The following ISLR2 variants were observed in gnomAD, a reference collection of about 807,000 sequenced individuals.
ISLR2 encodes the protein immunoglobulin superfamily containing leucine-rich repeat protein 2.
A neutral mutation model predicts 25.5 loss-of-function variants in ISLR2; 16 were observed. The observed-to-expected ratio is 0.63, with a 90% confidence interval of 0.43 to 0.95. The LOEUF (loss-of-function observed/expected upper bound fraction) is 0.95, where lower values mean the gene tolerates loss of function less well. ISLR2 is among the 40% of genes least tolerant of loss of function. The probability of loss-of-function intolerance (pLI) is 0.00; values close to 1 mark genes in which losing one functional copy is unlikely to be tolerated. For synonymous variants in ISLR2, 508 were observed against 486.6 expected, an observed-to-expected ratio of 1.04 and a Z score of -0.58; for missense variants, 883 against 1,030.7, an observed-to-expected ratio of 0.86 and a Z score of 1.96.
chr15:74,120,998 C>T (rs905137214), intron 2 of ISLR2, among the ~76,000 whole-genome samples: 1 of 152,004 alleles, frequency 6.6e-6, no homozygotes, highest in African/African-American at 2.4e-5. Flanking sequence ...CCCTGCCCAC[C>T]CTATCCCTCT....
rs1358010268 is a variant in ISLR2 at position 74,134,462 on chromosome 15, C to A, written c.1708C>A (p.Leu570Met). Residue 570 changes from leucine (L) to methionine (M), a missense_variant, in exon 3 of 3, where the codon CTG becomes ATG. This residue lies in a region of ISLR2 where 612 missense variants were observed against 642.8 expected (regional missense o/e 0.95). Transcript: ENST00000453268. ...TACCAACTACTCCGTGTGCCTGGCG[C>A]TGGCGGGCGAAGCCTGCCACGTGCA... is the stretch of plus-strand genomic sequence containing the variant. ...PGTNYSVCLALAGEACHVQVV... is the reference protein window; with the variant it reads ...PGTNYSVCLAMAGEACHVQVV... The A allele has an allele frequency of 2.5e-6, 4 of 1,609,254 alleles. No homozygotes were observed. The highest frequency in any genetic ancestry group is 3.4e-6 in the Non-Finnish European group (4 of 1,178,940).
At position 74,134,706 on chromosome 15, in the gene ISLR2, AC is replaced by A; in HGVS notation, c.1954del (p.Leu652SerfsTer140). ...GCAGACTTCGACCCGCGTGCTTCGTACCTCGAGTCCGAGAAAAGCTACCCGG... is the reference window on the plus strand; with the variant it reads ...GCAGACTTCGACCCGCGTGCTTCGTACTCGAGTCCGAGAAAAGCTACCCGG... ...IAADFDPRASYLESEKSYPAG... is the reference protein window; with the variant it reads ...IAADFDPRASXLESEKSYPAG... On this transcript the variant is annotated frameshift_variant, in exon 3 of 3. Transcript: ENST00000453268. LOFTEE classifies it high-confidence loss of function. The A allele has an allele frequency of 6.2e-7, 1 of 1,613,996 alleles. No homozygotes were observed. Among genetic ancestry groups the A allele is most frequent in the Non-Finnish European group, 8.5e-7 (1 of 1,179,990 alleles).
In ISLR2 at chr15:74,136,760, T is replaced by C. The variant is rs1316702964; in HGVS notation, c.*1768T>C. The C allele has an allele frequency of 3.0e-5, 5 of 167,054 alleles. No individual in the cohort carries two copies. Among genetic ancestry groups the C allele is most frequent in the African/African-American group, 1.2e-4 (5 of 41,422 alleles). 10.3% of individuals were successfully genotyped at this position (167,054 alleles called of 1,614,324 possible). A position where few individuals can be genotyped will look rare whatever the true frequency, so the allele number is the denominator to read the frequency against. On this transcript the variant is annotated 3_prime_UTR_variant, in exon 3 of 3. Transcript: ENST00000453268. ...TAGCCCCCCGGAGCCCGTGCCCTTT[T>C]CTAAACGCGTCTGTATGCAGTCAAT...
chr15:74,128,288 C>T, upstream of ISLR2: 2 of 382,670 alleles, frequency 5.2e-6, no homozygotes, highest in South Asian at 4.0e-5. Flanking sequence ...GCACTGGGCT[C>T]TCCAGGGTCG....
chr15:74,122,522 TTGAG>T, intron 2 of ISLR2, among the ~76,000 whole-genome samples: 1 of 152,328 alleles, frequency 6.6e-6, no homozygotes, highest in Non-Finnish European at 1.5e-5. Flanking sequence ...CAGTCCAACA[TTGAG>T]ACTGTGCCTG....
intron 2 of ISLR2, among the ~76,000 whole-genome samples, chr15:74,114,856 A>T (rs1007342789): frequency 6.6e-6 from 1 of 152,164 alleles, no homozygotes; most frequent in Non-Finnish European, 1.5e-5. Context: ...CAATGCAGGG[A>T]GGGAAATCCA....
At position 74,135,016 on chromosome 15, in the gene ISLR2, A is replaced by G. The variant is rs776336631; in HGVS notation, c.*24A>G. 19 of 1,601,338 alleles carry G rather than the reference A, an allele frequency of 1.2e-5. No homozygotes were observed. The highest frequency in any genetic ancestry group is 1.5e-5 in the Non-Finnish European group (18 of 1,173,058). ...GAACCTCCGCCCGTCCGGCCCGCCC[A>G]TTCCCGACCTCCACCTAGGGTGCCT... On this transcript the variant is annotated 3_prime_UTR_variant, in exon 3 of 3. Transcript: ENST00000453268.
upstream of ISLR2, chr15:74,128,222 C>T (rs977192601): frequency 2.2e-5 from 7 of 321,242 alleles, no homozygotes; most frequent in Non-Finnish European, 4.2e-5. Flanking sequence ...GGCTCCCACC[C>T]CAGGCCTCGG....
At position 74,133,689 on chromosome 15, in the gene ISLR2, C is replaced by A; in HGVS notation, c.935C>A (p.Thr312Asn). Residue 312 changes from threonine to asparagine, a missense_variant, in exon 3 of 3, where the codon ACC (threonine) becomes AAC (asparagine). Transcript: ENST00000453268. ...GEGDGDLLTQ[T>N]QAQTPTPAPA... The stretch of plus-strand genomic sequence containing the variant: ...GGAGATGGGGATTTGCTGACGCAGA[C>A]CCAAGCCCAAACGCCGACTCCAGCA... The A allele has an allele frequency of 6.2e-7, 1 of 1,607,654 alleles. No individual in the cohort carries two copies. Among genetic ancestry groups the A allele is most frequent in the African/African-American group, 1.3e-5 (1 of 74,898 alleles).
Position 74,102,709 on chromosome 15 carries a change from G to T in ISLR2, n.160-1137G>T, listed in dbSNP as rs1380485236. 2.6e-5 allele frequency among the ~76,000 whole-genome samples: 4 copies of T among 151,934 alleles called. 1 individual carries two copies. Among genetic ancestry groups the T allele is most frequent in the African/African-American group, 7.3e-5 (3 of 41,184 alleles). On this transcript the variant is annotated intron_variant and non_coding_transcript_variant, in intron 1 of 3. Transcript: ENST00000561975. The stretch of plus-strand genomic sequence containing the variant: ...CACTAATGTAGGGAAATATACTAGA[G>T]AATATGTTATGAATATATGTGAGAA...
At chr15:74,100,780 C>T (rs2072078395) in intron 1 of ISLR2, among the ~76,000 whole-genome samples, 1 of 149,408 alleles carries the variant, frequency 6.7e-6, no homozygotes, top group South Asian at 2.1e-4. Context: ...TTTGATGAAT[C>T]GTCTAGGTGC....
upstream of ISLR2, chr15:74,129,211 T>G (rs1595944470): frequency 2.7e-6 from 1 of 371,626 alleles, no homozygotes; most frequent in Non-Finnish European, 5.3e-6. The surrounding 1 kb of genome is among the most constrained non-coding windows in gnomAD (Gnocchi z 4.5). Flanking sequence ...ACGGCAGGAG[T>G]AGGGGAGAGG....
intron 1 of ISLR2, 187 bp from the exon 2 acceptor site, chr15:74,131,020 A>G (rs1394355252): frequency 6.6e-6 from 1 of 152,360 alleles, no homozygotes; most frequent in East Asian, 1.9e-4. Context: ...TAGACCAAGC[A>G]GGAGGCGGGA....
chr15:74,137,020 C>G (rs987326797), downstream of ISLR2, among the ~76,000 whole-genome samples: 2 of 152,174 alleles, frequency 1.3e-5, no homozygotes, highest in Non-Finnish European at 2.9e-5. Flanking sequence ...AAAACGAGGG[C>G]AGGCTGCAAG....
Position 74,121,228 on chromosome 15 carries a change from C to T in ISLR2, n.229-9979C>T, listed in dbSNP as rs201647249. The stretch of plus-strand genomic sequence containing the variant: ...TGCCTGCACGGGGCTACCAGACAGC[C>T]GGAAGATATGTGGGTTGGACACAGT... On this transcript the variant is annotated intron_variant and non_coding_transcript_variant, in intron 2 of 3. Coordinates refer to the ISLR2 transcript ENST00000561975. 5.3e-5 allele frequency among the ~76,000 whole-genome samples: 8 copies of T among 152,184 alleles called. No individual in the cohort carries two copies. In the East Asian group the frequency reaches 1.2e-3, roughly 22 times the overall value.
intron 2 of ISLR2, among the ~76,000 whole-genome samples, chr15:74,119,728 T>C (rs2072238163): frequency 6.6e-6 from 1 of 152,254 alleles, no homozygotes; most frequent in Non-Finnish European, 1.5e-5. Flanking sequence ...ACACAATTTT[T>C]ATTTGTCAAT....
At chr15:74,137,025 T>G (rs2072577046), downstream of ISLR2, among the ~76,000 whole-genome samples, 1 of 152,204 alleles carries the variant, frequency 6.6e-6, no homozygotes, top group African/African-American at 2.4e-5. Flanking sequence ...GAGGGCAGGC[T>G]GCAAGTGAGT....
chr15:74,128,563 C>T (rs761788882), upstream of ISLR2: 6 of 456,680 alleles, frequency 1.3e-5, no homozygotes, highest in Middle Eastern at 3.3e-4. Context: ...TTCCTGCAGT[C>T]CAGGGAAGCT....
chr15:74,102,579 C>T (rs967558997), intron 1 of ISLR2, among the ~76,000 whole-genome samples: 3 of 151,432 alleles, frequency 2.0e-5, no homozygotes, highest in Non-Finnish European at 4.4e-5. Context: ...CTGGGCCCCA[C>T]ACCAGAGTTT....
Sources: allele counts gnomAD v4.1 joint callset (sites outside exome capture counted in the v4.1 genomes callset), GRCh38; gene constraint gnomAD v4.1.1; regional missense constraint gnomAD v4.1.1; non-coding constraint Gnocchi (gnomAD v3.1); transcripts MANE v1.5; gene names NCBI Gene and HGNC (gene_info 2026-07-23, HGNC 2026-07-21).